The following CBLN2 variants were observed in gnomAD, a reference collection of about 807,000 sequenced individuals.
CBLN2 encodes the protein cerebellin 2 precursor.
Under a neutral mutation model 15.0 loss-of-function variants are expected in CBLN2, and 7 were observed. The ratio of observed to expected loss-of-function variants is 0.47; its 90% CI spans 0.27 to 0.88. The LOEUF (loss-of-function observed/expected upper bound fraction) is 0.88. Ranked by LOEUF, CBLN2 falls within the 40% of genes least tolerant of loss-of-function variation. The pLI, the probability that CBLN2 is intolerant of heterozygous loss-of-function variation, is 0.14. For missense variants in CBLN2, 242 were observed against 304.5 expected (o/e 0.79, Z 1.53); for synonymous variants, 149 against 135.2 (o/e 1.10, Z -0.71).
In CBLN2 at chr18:72,541,987, G is replaced by A; in HGVS notation, c.174C>T (p.Ile58=). The A allele has an allele frequency of 1.2e-6, 2 of 1,605,488 alleles. No individual in the cohort carries two copies. The highest frequency in any genetic ancestry group is 1.7e-6 in the Non-Finnish European group (2 of 1,179,478). ...CCACCAGGCACTTGCCCTCCAGCAC[G>A]ATGGGCTCCGTGTCGTTCTGCGCCC... is the stretch of plus-strand genomic sequence containing the variant. The part of the protein sequence containing the change: ...PVRAQNDTEP[I]VLEGKCLVVC... Residue 58 remains isoleucine (I), a synonymous_variant, in exon 3 of 5, where the codon ATC becomes ATT. Coordinates refer to ENST00000269503, the MANE Select transcript of CBLN2 (RefSeq NM_182511.4).
chr18:72,588,620 T>C (rs942333149), intron 1 of CBLN2, among the ~76,000 whole-genome samples: 1 of 152,210 alleles, frequency 6.6e-6, no homozygotes, highest in Non-Finnish European at 1.5e-5. Context: ...CGATTTCCAG[T>C]GCTCTGTGTT....
At chr18:72,550,065 A>G (rs1355094289) in intron 1 of CBLN2, among the ~76,000 whole-genome samples, 1 of 152,212 alleles carries the variant, frequency 6.6e-6, no homozygotes, top group African/African-American at 2.4e-5. Context: ...CCTGGTTGTA[A>G]TATCAACATA....
intron 1 of CBLN2, among the ~76,000 whole-genome samples, chr18:72,549,403 G>A (rs1317907520): frequency 3.3e-5 from 5 of 152,100 alleles, no homozygotes; most frequent in Non-Finnish European, 7.4e-5. Flanking sequence ...TATTCTTGTG[G>A]GAATATTAAT....
chr18:72,568,146 T>A (rs2069308465), intron 1 of CBLN2, among the ~76,000 whole-genome samples: 1 of 152,152 alleles, frequency 6.6e-6, no homozygotes, highest in Non-Finnish European at 1.5e-5. Flanking sequence ...CTGTTGTGTA[T>A]AACCAGTCAC....
At position 72,579,762 on chromosome 18, in the gene CBLN2, A is replaced by G. The variant is rs550417602; in HGVS notation, c.16-40990T>C. On this transcript the variant is annotated intron_variant, in intron 1 of 2. Transcript: ENST00000581073. The stretch of plus-strand genomic sequence containing the variant: ...AAACAAAAAACAAAAAACAAAAACA[A>G]AATAAAACAAAAAACTAGTCATAAA... Among the ~76,000 whole-genome samples the G allele has an allele frequency of 2.6e-5, 4 of 152,190 alleles. No homozygotes were observed. The East Asian group carries it at 7.7e-4, about 29-fold the overall frequency.
intron 1 of CBLN2, among the ~76,000 whole-genome samples, chr18:72,567,154 T>G (rs1346263732): frequency 6.6e-6 from 1 of 152,206 alleles, no homozygotes; most frequent in African/African-American, 2.4e-5. Context: ...GTGATGGATA[T>G]GCTGATTATG....
At chr18:72,564,085 G>T (rs2069278689) in intron 1 of CBLN2, among the ~76,000 whole-genome samples, 1 of 152,062 alleles carries the variant, frequency 6.6e-6, no homozygotes. Flanking sequence ...TATAAAACTA[G>T]AAAAGCTGAC....
intron 1 of CBLN2, among the ~76,000 whole-genome samples, chr18:72,604,216 G>T (rs530781693): frequency 3.5e-4 from 54 of 152,288 alleles, no homozygotes; most frequent in Non-Finnish European, 5.7e-4. Flanking sequence ...TGTTGAAACA[G>T]TCTGCTTTAT....
intron 1 of CBLN2, among the ~76,000 whole-genome samples, chr18:72,620,964 T>G (rs374852140): frequency 1.3e-5 from 2 of 152,186 alleles, no homozygotes; most frequent in African/African-American, 4.8e-5. Flanking sequence ...GCATAGGAAG[T>G]GCTAGAAAAT....
At chr18:72,588,750 A>G (rs899484471) in intron 1 of CBLN2, among the ~76,000 whole-genome samples, 5 of 152,258 alleles carry the variant, frequency 3.3e-5, no homozygotes, top group African/African-American at 1.2e-4. Flanking sequence ...TTTAAAGGCT[A>G]GAAAAGAATT....
chr18:72,560,049 C>T lies in CBLN2; in HGVS notation c.16-21277G>A, dbSNP rs1421340904. The stretch of plus-strand genomic sequence containing the variant: ...AGGAAGGAGCTCATCAAACAGGGAA[C>T]AGGCAGAGGAGTTTGTGTATTTCCT... On this transcript the variant is annotated intron_variant, in intron 1 of 2. Transcript: ENST00000581073. Among the ~76,000 whole-genome samples the T allele has an allele frequency of 3.9e-5, 6 of 152,296 alleles. 1 individual carries two copies. Among genetic ancestry groups the T allele is most frequent in the Admixed American group, 3.9e-4 (6 of 15,294 alleles).
At chr18:72,580,768 T>C (rs2069397646) in intron 1 of CBLN2, among the ~76,000 whole-genome samples, 1 of 152,250 alleles carries the variant, frequency 6.6e-6, no homozygotes, top group Non-Finnish European at 1.5e-5. Flanking sequence ...TTTGAAATTA[T>C]GTCAATTATG....
chr18:72,552,930 AAG>A (rs2069200261), intron 1 of CBLN2, among the ~76,000 whole-genome samples: 1 of 152,204 alleles, frequency 6.6e-6, no homozygotes, highest in African/African-American at 2.4e-5. Context: ...AGTGTTAGGC[AAG>A]AGATTGTTAT....
intron 1 of CBLN2, among the ~76,000 whole-genome samples, chr18:72,601,425 C>T (rs79973505): frequency 1.5e-5 from 2 of 132,266 alleles, no homozygotes; most frequent in African/African-American, 2.7e-5. Flanking sequence ...CCATGTGCCA[C>T]AATTCCATAA....
At chr18:72,607,962 A>G (rs923782480) in intron 1 of CBLN2, among the ~76,000 whole-genome samples, 1 of 152,170 alleles carries the variant, frequency 6.6e-6, no homozygotes, top group African/African-American at 2.4e-5. Context: ...TGTATTTAGT[A>G]CAGGCATATT....
At chr18:72,590,055 C>G (rs1188370871) in intron 1 of CBLN2, among the ~76,000 whole-genome samples, 1 of 152,210 alleles carries the variant, frequency 6.6e-6, no homozygotes, top group Non-Finnish European at 1.5e-5. Flanking sequence ...ATCACGAGGT[C>G]AGGAGATCAA....
intron 1 of CBLN2, among the ~76,000 whole-genome samples, chr18:72,577,573 C>G (rs906061891): frequency 1.3e-5 from 2 of 152,320 alleles, no homozygotes; most frequent in African/African-American, 4.8e-5. Context: ...TGACTCCATC[C>G]TATCTTGTGA....
chr18:72,607,854 T>C (rs2069593627), intron 1 of CBLN2, among the ~76,000 whole-genome samples: 2 of 152,192 alleles, frequency 1.3e-5, no homozygotes, highest in African/African-American at 2.4e-5. Flanking sequence ...GTCACTTTTA[T>C]TGAGAGCATG....
intron 3 of CBLN2, among the ~76,000 whole-genome samples, chr18:72,541,370 A>G (rs913378849): frequency 6.6e-6 from 1 of 151,872 alleles, no homozygotes; most frequent in Non-Finnish European, 1.5e-5. Context: ...ATGCTGTCAG[A>G]GACTTGGGAA....
Sources: allele counts gnomAD v4.1 joint callset (sites outside exome capture counted in the v4.1 genomes callset), GRCh38; gene constraint gnomAD v4.1.1; transcripts MANE v1.5; gene names NCBI Gene and HGNC (gene_info 2026-07-23, HGNC 2026-07-21).